ZNF273: variants seen among roughly 807,000 people sequenced by gnomAD.
The protein encoded by ZNF273 is zinc finger protein 273.
A neutral mutation model predicts 14.9 loss-of-function variants in ZNF273; 11 were observed. That is an observed-to-expected ratio of 0.74 (90% CI 0.46 to 1.22). The LOEUF is 1.22. Ranked by LOEUF, ZNF273 falls within the 50% of genes most tolerant of loss-of-function variation. The pLI, the probability that ZNF273 is intolerant of heterozygous loss-of-function variation, is 0.00. For synonymous variants in ZNF273, 199 were observed against 223.9 expected, an observed-to-expected ratio of 0.89 and a Z score of 0.99; for missense variants, 577 against 660.6, an observed-to-expected ratio of 0.87 and a Z score of 1.39.
chr7:64,895,156 G>A (rs1792292918), intron 3 of ZNF273, among the ~76,000 whole-genome samples: 1 of 151,962 alleles, frequency 6.6e-6, no homozygotes, highest in Non-Finnish European at 1.5e-5. Context: ...AAAATTTGAA[G>A]ATCTTTTCAA....
chr7:64,933,630 T>C (rs1031903214), downstream of ZNF273: 2 of 152,154 alleles, frequency 1.3e-5, no homozygotes, highest in African/African-American at 4.8e-5. Flanking sequence ...AGAGTTTCTG[T>C]GATTATGACA....
In ZNF273 at chr7:64,928,577, CT is replaced by C. The variant is rs752059453; in HGVS notation, c.1251del (p.Thr418LeufsTer33). 1,533 of 1,613,676 alleles carry C rather than the reference CT, an allele frequency of 9.5e-4. 2 individuals are homozygous for C. Among genetic ancestry groups the C allele is most frequent in the Non-Finnish European group, 1.2e-3 (1,367 of 1,179,834 alleles). Reference protein sequence around the residue: ...CGKAFKRSTTLTKHKRIYTKE... With the variant: ...CGKAFKRSTTXTKHKRIYTKE... ...TAAAGCCTTTAAACGGTCCACAACT[CT>C]TACTAAACATAAGAGAATTTATACT... On this transcript the variant is annotated frameshift_variant, in exon 4 of 4. Coordinates refer to ENST00000476120, the MANE Select transcript of ZNF273 (RefSeq NM_021148.3). LOFTEE classifies it low-confidence loss of function (END_TRUNC).
intron 1 of ZNF273, among the ~76,000 whole-genome samples, chr7:64,913,408 C>T: frequency 6.6e-6 from 1 of 152,244 alleles, no homozygotes; most frequent in African/African-American, 2.4e-5. Context: ...GATTCAATCA[C>T]ATAATGTGTT....
At chr7:64,905,163 T>G (rs1195202939) in intron 1 of ZNF273, among the ~76,000 whole-genome samples, 1 of 139,980 alleles carries the variant, frequency 7.1e-6, no homozygotes, top group Non-Finnish European at 1.5e-5. Context: ...TCGCCCAGGC[T>G]GGAGTGCAAT....
chr7:64,883,879 C>T (rs921046435), downstream of ZNF273, among the ~76,000 whole-genome samples: 25 of 152,182 alleles, frequency 1.6e-4, no homozygotes, highest in Non-Finnish European at 3.2e-4. Flanking sequence ...TCATGGGGAC[C>T]ATTGTATGAG....
downstream of ZNF273, among the ~76,000 whole-genome samples, chr7:64,883,542 C>T (rs1242450650): frequency 2.0e-5 from 3 of 152,174 alleles, no homozygotes; most frequent in East Asian, 5.8e-4. Context: ...CAGGTGCGGA[C>T]AGATGATACA....
chr7:64,888,735 C>T, exon 2 of ZNF273: 1 of 985,736 alleles, frequency 1.0e-6, no homozygotes, highest in South Asian at 4.7e-5. Flanking sequence ...GAGTCCCGTT[C>T]ACACCCAGCC....
intron 2 of ZNF273, among the ~76,000 whole-genome samples, chr7:64,879,191 T>C (rs530188986): frequency 6.6e-6 from 1 of 152,342 alleles, no homozygotes; most frequent in East Asian, 1.9e-4. Context: ...GTGGATGTAG[T>C]TGGCTGCCAG....
At chr7:64,912,827 T>TTTTTTGTTGTTGTTGTTG in intron 1 of ZNF273, among the ~76,000 whole-genome samples, 1 of 45,964 alleles carries the variant, frequency 2.2e-5, no homozygotes, top group Non-Finnish European at 4.8e-5. Context: ...TTCATTTTAG[T>TTTTTTGTTGTTGTTGTTG]TTTTTTTTTT....
intron 1 of ZNF273, chr7:64,917,191 T>C: frequency 1.0e-6 from 1 of 978,372 alleles, no homozygotes; most frequent in South Asian, 1.5e-5. Context: ...CATAACAAGA[T>C]CTCCAGTTTA....
rs1312071137 is a variant in ZNF273, at chr7:64,929,918, G to C, written c.*880G>C. The C allele has an allele frequency of 6.5e-6, 1 of 153,496 alleles. No homozygotes were observed. Among genetic ancestry groups the C allele is most frequent in the Non-Finnish European group, 1.4e-5 (1 of 69,562 alleles). The allele number at this position is 153,496 out of a possible 1,614,324, so 9.5% of individuals were successfully genotyped here. A position where few individuals can be genotyped will look rare whatever the true frequency, so the allele number is the denominator to read the frequency against. On this transcript the variant is annotated 3_prime_UTR_variant, in exon 4 of 4. Coordinates refer to ENST00000476120, the MANE Select transcript of ZNF273 (RefSeq NM_021148.3). ...TTTCACTCTTGTTGCCCAGGCTGGA[G>C]TGCAATGGCGTGATCTCAGCTCACC...
At chr7:64,895,607 A>G (rs1262915990) in intron 3 of ZNF273, among the ~76,000 whole-genome samples, 3 of 152,244 alleles carry the variant, frequency 2.0e-5, no homozygotes, top group Non-Finnish European at 4.4e-5. Flanking sequence ...CTTAGTATAA[A>G]AAAGCTGTTG....
At chr7:64,927,547 C>T in intron 3 of ZNF273, 107 bp from the exon 4 acceptor site, 3 of 925,576 alleles carry the variant, frequency 3.2e-6, no homozygotes, top group East Asian at 2.6e-5. Context: ...TGGTATTTTG[C>T]TATACCATCT....
At chr7:64,920,836 C>T (rs1794387979) in intron 3 of ZNF273, among the ~76,000 whole-genome samples, 2 of 152,120 alleles carry the variant, frequency 1.3e-5, no homozygotes, top group Non-Finnish European at 2.9e-5. Context: ...AGGCGATTCT[C>T]CAACCTTAAA....
chr7:64,905,645 G>T (rs1269028704), intron 1 of ZNF273, among the ~76,000 whole-genome samples: 1 of 152,124 alleles, frequency 6.6e-6, no homozygotes, highest in African/African-American at 2.4e-5. Context: ...GTGAGATGGT[G>T]CAAGAACTTG....
rs550505372 is a variant in ZNF273 at position 64,922,823 on chromosome 7, A to G, written c.325+4531A>G. Among the ~76,000 whole-genome samples the G allele has an allele frequency of 7.9e-5, 12 of 152,074 alleles. No homozygotes were observed. In the East Asian group the frequency reaches 2.3e-3, roughly 29 times the overall value. On this transcript the variant is annotated intron_variant, in intron 3 of 3. Transcript: ENST00000476120. ...CTACTAAAAATACGAAACATTAGCC[A>G]GGTGTGGTGGTGCATGCCTGTAATC...
At chr7:64,882,344 A>C (rs1377035090), downstream of ZNF273, 1 of 151,450 alleles carries the variant, frequency 6.6e-6, no homozygotes, top group African/African-American at 2.4e-5. Context: ...ACGCCCCAGG[A>C]GGCCCTGTGG....
At chr7:64,910,489 A>G (rs577059476) in intron 1 of ZNF273, among the ~76,000 whole-genome samples, 14 of 152,036 alleles carry the variant, frequency 9.2e-5, no homozygotes, top group African/African-American at 3.4e-4. Context: ...GGTGTGTGGC[A>G]TTATTTCTGG....
upstream of ZNF273, chr7:64,903,098 T>G: frequency 2.3e-6 from 1 of 441,020 alleles, no homozygotes; most frequent in Non-Finnish European, 4.1e-6. Flanking sequence ...AGCCTGCAGT[T>G]TAGGTTTCAT....
Sources: allele counts gnomAD v4.1 joint callset (sites outside exome capture counted in the v4.1 genomes callset), GRCh38; gene constraint gnomAD v4.1.1; transcripts MANE v1.5; gene names NCBI Gene and HGNC (gene_info 2026-07-23, HGNC 2026-07-21).